Variants in CNTNAP2 observed in about 807,000 individuals in gnomAD.
CNTNAP2 encodes contactin-associated protein-like 2.
In CNTNAP2, 98 loss-of-function variants were observed where a neutral mutation model predicts 155.2. The ratio of observed to expected loss-of-function variants is 0.63; its 90% CI spans 0.54 to 0.75. CNTNAP2 has a LOEUF of 0.75. Among genes scored for constraint, CNTNAP2 ranks in the 30% least tolerant of loss-of-function variants. The probability of loss-of-function intolerance (pLI) is 0.00; values close to 1 mark genes in which losing one functional copy is unlikely to be tolerated. For synonymous variants in CNTNAP2, 651 were observed against 631.2 expected (o/e 1.03, Z -0.47); for missense variants, 1,727 against 1,688.1 (o/e 1.02, Z -0.40).
chr7:147,033,175 T>TATAC (rs1799073539), intron 3 of CNTNAP2, among the ~76,000 whole-genome samples: 1 of 48,128 alleles, frequency 2.1e-5, no homozygotes, highest in East Asian at 7.8e-4. Context: ...TATATATATA[T>TATAC]ATATATATAT....
intron 12 of CNTNAP2, among the ~76,000 whole-genome samples, chr7:147,598,169 T>C (rs1398946550): frequency 5.0e-5 from 1 of 19,976 alleles, no homozygotes; most frequent in East Asian, 2.3e-3. Context: ...CTTTCTTTCT[T>C]TTTTTTTTTT....
intron 11 of CNTNAP2, among the ~76,000 whole-genome samples, chr7:147,489,894 C>T (rs1425981518): frequency 1.3e-5 from 2 of 152,174 alleles, no homozygotes; most frequent in Non-Finnish European, 2.9e-5. Context: ...GGATTACAGG[C>T]ATGAGCCACC....
rs967567852 is a variant in CNTNAP2, at chr7:147,235,581, C to A, written c.1349-64560C>A. Among the ~76,000 whole-genome samples, 4 of 152,150 alleles carry A rather than the reference C, an allele frequency of 2.6e-5. No homozygotes were observed. In the South Asian group the frequency reaches 8.3e-4, roughly 32 times the overall value. On this transcript the variant is annotated intron_variant, in intron 8 of 23. Coordinates refer to ENST00000361727, the MANE Select transcript of CNTNAP2 (RefSeq NM_014141.6). ...CATTTATTTCTTTATGTACTTATAT[C>A]GGTATGGATTAAAAGTGTCCTATTT...
At chr7:146,545,596 G>C (rs1317203011) in intron 1 of CNTNAP2, among the ~76,000 whole-genome samples, 2 of 151,670 alleles carry the variant, frequency 1.3e-5, no homozygotes, top group Non-Finnish European at 2.9e-5. Flanking sequence ...GCGGTGTTTG[G>C]TTTTCTGTTC....
In CNTNAP2 at chr7:147,818,524, C is replaced by T. The variant is rs370520468; in HGVS notation, c.2099-85041C>T. Among the ~76,000 whole-genome samples, 49 of 152,264 alleles carry T rather than the reference C, an allele frequency of 3.2e-4. No individual in the cohort carries two copies. In the South Asian group the frequency reaches 6.0e-3, roughly 19 times the overall value. ...CCCCGTGCACTCACGATTGCTAGAT[C>T]TCCCATGGGTGTCCTAAAAGGAAGC... On this transcript the variant is annotated intron_variant, in intron 13 of 23. Transcript: ENST00000361727.
chr7:147,369,120 C>A (rs1328637366), intron 9 of CNTNAP2, among the ~76,000 whole-genome samples: 1 of 152,170 alleles, frequency 6.6e-6, no homozygotes, highest in Non-Finnish European at 1.5e-5. Flanking sequence ...ACGTTAAATA[C>A]TTTATAACCA....
chr7:146,251,868 GATA>G (rs1341742416), intron 1 of CNTNAP2, among the ~76,000 whole-genome samples: 3 of 152,326 alleles, frequency 2.0e-5, no homozygotes, highest in Non-Finnish European at 4.4e-5. Flanking sequence ...TCTATGGTGT[GATA>G]ATAAGAGATT....
chr7:146,819,679 C>A (rs894651306), intron 2 of CNTNAP2, among the ~76,000 whole-genome samples: 31 of 152,120 alleles, frequency 2.0e-4, no homozygotes, highest in African/African-American at 7.5e-4. Context: ...GAACTTGACA[C>A]CTCAAGTTAA....
At chr7:148,170,596 A>C (rs1805769221) in intron 17 of CNTNAP2, among the ~76,000 whole-genome samples, 2 of 152,210 alleles carry the variant, frequency 1.3e-5, no homozygotes, top group Admixed American at 1.3e-4. Flanking sequence ...TCACTTCTCT[A>C]TTCCAATATG....
Position 146,896,350 on chromosome 7 carries a change from T to A in CNTNAP2, c.402+56446T>A, listed in dbSNP as rs559062990. 1.7e-4 allele frequency among the ~76,000 whole-genome samples: 26 copies of A among 152,266 alleles called. No homozygotes were observed. In the South Asian group the frequency reaches 2.3e-3, roughly 13 times the overall value. On this transcript the variant is annotated intron_variant, in intron 3 of 23. Coordinates refer to ENST00000361727, the MANE Select transcript of CNTNAP2 (RefSeq NM_014141.6). ...CTCTTCAACTCTTTTACTTGGGTGA[T>A]GCCTACTAATCCTTATTATCTCCAC...
chr7:147,975,724 T>C (rs1266701533), intron 14 of CNTNAP2, among the ~76,000 whole-genome samples: 1 of 151,940 alleles, frequency 6.6e-6, no homozygotes, highest in African/African-American at 2.4e-5. Context: ...TTCTGTCCTC[T>C]TGCATGTTTC....
At chr7:148,402,682 G>T (rs912318734) in intron 22 of CNTNAP2, among the ~76,000 whole-genome samples, 1 of 152,092 alleles carries the variant, frequency 6.6e-6, no homozygotes, top group South Asian at 2.1e-4. Flanking sequence ...ACCTCATCTC[G>T]CCCGGACCCA....
intron 1 of CNTNAP2, among the ~76,000 whole-genome samples, chr7:146,503,139 C>T (rs373508108): frequency 6.6e-6 from 1 of 151,982 alleles, no homozygotes; most frequent in Non-Finnish European, 1.5e-5. Context: ...TTCTGTAAGT[C>T]GTAATTTAAT....
intron 3 of CNTNAP2, among the ~76,000 whole-genome samples, chr7:146,932,717 C>G (rs1443186261): frequency 6.6e-6 from 1 of 152,150 alleles, no homozygotes; most frequent in African/African-American, 2.4e-5. Flanking sequence ...TCTCCTTAAG[C>G]TGATAAGCAA....
At chr7:146,390,433 G>T (rs982993114) in intron 1 of CNTNAP2, among the ~76,000 whole-genome samples, 2 of 151,734 alleles carry the variant, frequency 1.3e-5, no homozygotes, top group Non-Finnish European at 2.9e-5. Flanking sequence ...AACATAAACC[G>T]AATCTAATCA....
At chr7:147,761,879 A>G (rs534036107) in intron 13 of CNTNAP2, among the ~76,000 whole-genome samples, 21 of 152,296 alleles carry the variant, frequency 1.4e-4, no homozygotes, top group Non-Finnish European at 2.9e-4. Context: ...TCTTCAGTCA[A>G]GCACCAAATA....
At chr7:147,225,473 T>A (rs1203789861) in intron 8 of CNTNAP2, among the ~76,000 whole-genome samples, 2 of 152,158 alleles carry the variant, frequency 1.3e-5, no homozygotes, top group Admixed American at 6.5e-5. Flanking sequence ...ATAATATGAC[T>A]CTTGTTTTTA....
chr7:148,182,344 CAT>C (rs1164470589), intron 18 of CNTNAP2, among the ~76,000 whole-genome samples: 2 of 151,660 alleles, frequency 1.3e-5, no homozygotes, highest in South Asian at 2.1e-4. Context: ...AGATTGCTCA[CAT>C]GTTTGGCTGC....
At chr7:148,058,566 A>T (rs1374859609) in intron 15 of CNTNAP2, among the ~76,000 whole-genome samples, 1 of 152,124 alleles carries the variant, frequency 6.6e-6, no homozygotes, top group Non-Finnish European at 1.5e-5. Flanking sequence ...CTGCACACAG[A>T]AAACTTTAGG....
Sources: gnomAD v4.1 joint callset for allele counts (sites outside exome capture counted in the v4.1 genomes callset) on GRCh38, gnomAD v4.1.1 for gene constraint, MANE v1.5 for transcripts, NCBI Gene and HGNC (gene_info 2026-07-23, HGNC 2026-07-21) for gene names.